NOS1AP: variants seen among roughly 807,000 people sequenced by gnomAD.
NOS1AP encodes nitric oxide synthase 1 adaptor protein, also known as carboxyl-terminal PDZ ligand of neuronal nitric oxide synthase protein.
Under a neutral mutation model 56.2 loss-of-function variants are expected in NOS1AP, and 21 were observed. That is an observed-to-expected ratio of 0.37 (90% CI 0.26 to 0.54). The LOEUF (loss-of-function observed/expected upper bound fraction) is 0.54, where lower values mean the gene tolerates loss of function less well. Among genes scored for constraint, NOS1AP ranks in the 20% least tolerant of loss-of-function variants. NOS1AP has a pLI of 0.84. For missense variants in NOS1AP, 522 were observed against 657.8 expected (o/e 0.79, Z 2.26); for synonymous variants, 270 against 274.6 (o/e 0.98, Z 0.17).
chr1:162,138,616 G>C (rs1338759876), intron 1 of NOS1AP, among the ~76,000 whole-genome samples: 1 of 152,164 alleles, frequency 6.6e-6, no homozygotes, highest in Non-Finnish European at 1.5e-5. Flanking sequence ...CTGGGCTCCT[G>C]TCTGCCTGGG....
chr1:162,202,542 A>AT (rs1162997437), intron 2 of NOS1AP, among the ~76,000 whole-genome samples: 4 of 151,946 alleles, frequency 2.6e-5, no homozygotes, highest in Admixed American at 2.0e-4. Flanking sequence ...ATATAGTGTG[A>AT]TTTTGTCTAA....
At position 162,211,091 on chromosome 1, in the gene NOS1AP, A is replaced by G. The variant is rs74125980; in HGVS notation, c.177+56615A>G. Among the ~76,000 whole-genome samples the G allele has an allele frequency of 5.3e-3, 803 of 152,346 alleles. 4 individuals carry two copies. Among genetic ancestry groups the G allele is most frequent in the African/African-American group, 0.018 (765 of 41,574 alleles). ...TCTTCACATGGGGACAATGAATGTG[A>G]GACAGGCTCATCTTGGGAATGAGGG... On this transcript the variant is annotated intron_variant, in intron 2 of 9. Coordinates refer to ENST00000361897, the MANE Select transcript of NOS1AP (RefSeq NM_014697.3).
chr1:162,155,269 C>T (rs28472684), intron 2 of NOS1AP, among the ~76,000 whole-genome samples: 1 of 141,756 alleles, frequency 7.1e-6, no homozygotes, highest in African/African-American at 2.6e-5. Flanking sequence ...TATATATACA[C>T]ATACATATAC....
chr1:162,283,880 C>T (rs1655011865), intron 2 of NOS1AP, among the ~76,000 whole-genome samples: 1 of 152,182 alleles, frequency 6.6e-6, no homozygotes, highest in African/African-American at 2.4e-5. Flanking sequence ...AGGGCCAGGC[C>T]CGTTGGCACA....
intron 1 of NOS1AP, among the ~76,000 whole-genome samples, chr1:162,119,740 G>A (rs75158412): frequency 0.022 from 3,297 of 152,218 alleles, 133 homozygotes; most frequent in African/African-American, 0.076. Flanking sequence ...CAGCCAGGGC[G>A]AGGGAATCTC....
At chr1:162,297,227 C>A (rs191188902) in intron 3 of NOS1AP, among the ~76,000 whole-genome samples, 29 of 152,314 alleles carry the variant, frequency 1.9e-4, no homozygotes, top group African/African-American at 6.7e-4. Context: ...TGTATTGGGT[C>A]ATTGGCTCCT....
At chr1:162,344,846 A>AAAT (rs1210113319) in intron 6 of NOS1AP, among the ~76,000 whole-genome samples, 1 of 152,238 alleles carries the variant, frequency 6.6e-6, no homozygotes, top group Admixed American at 6.5e-5. Context: ...GAACTATTAG[A>AAAT]AATAATAAGA....
intron 6 of NOS1AP, 87 bp from the exon 7 acceptor site, chr1:162,355,100 C>A: frequency 6.7e-7 from 1 of 1,499,898 alleles, no homozygotes; most frequent in Non-Finnish European, 9.2e-7. Flanking sequence ...CTAGGCTCAA[C>A]ATGCCTGAAA....
chr1:162,183,359 T>A (rs1419901097), intron 2 of NOS1AP, among the ~76,000 whole-genome samples: 3 of 152,246 alleles, frequency 2.0e-5, no homozygotes, highest in African/African-American at 7.2e-5. Flanking sequence ...CAGACTTGAT[T>A]TACCACAATT....
At chr1:162,365,665 T>G in intron 9 of NOS1AP, 96 bp downstream of exon 9, 4 of 1,452,056 alleles carry the variant, frequency 2.8e-6, no homozygotes, top group Non-Finnish European at 3.8e-6. Context: ...CTTGGACCCC[T>G]GACCTACCCC....
intron 1 of NOS1AP, among the ~76,000 whole-genome samples, chr1:162,095,331 G>C (rs1692216043): frequency 6.6e-6 from 1 of 152,178 alleles, no homozygotes; most frequent in Non-Finnish European, 1.5e-5. Flanking sequence ...TTGCTGCCCT[G>C]TGAGGATATA....
At chr1:162,223,610 T>C (rs573493836) in intron 2 of NOS1AP, among the ~76,000 whole-genome samples, 8 of 152,328 alleles carry the variant, frequency 5.3e-5, no homozygotes, top group African/African-American at 1.9e-4. Flanking sequence ...TTAAGACATT[T>C]GTGAGAAAAA....
Position 162,236,824 on chromosome 1 carries a change from T to C in NOS1AP, c.178-50520T>C, listed in dbSNP as rs1653308150. On this transcript the variant is annotated intron_variant, in intron 2 of 9. Transcript: ENST00000361897. ...GTCTGGCTGGTTTCAGGCTTCCTGG[T>C]CTGCATGCAGGCTGTACTTCCTCAC... is the stretch of plus-strand genomic sequence containing the variant. Among the ~76,000 whole-genome samples, 3 of 152,232 alleles carry C rather than the reference T, an allele frequency of 2.0e-5. No individual in the cohort carries two copies. The South Asian group carries it at 6.2e-4, about 32-fold the overall frequency.
intron 2 of NOS1AP, among the ~76,000 whole-genome samples, chr1:162,179,336 A>G (rs902096923): frequency 2.0e-5 from 3 of 152,158 alleles, no homozygotes; most frequent in Non-Finnish European, 2.9e-5. Flanking sequence ...CCTGAGTTAC[A>G]CAGCTAGGAA....
rs1317507251 is a variant in NOS1AP at position 162,264,419 on chromosome 1, TCTTCC to T, written c.178-22920_178-22916del. On this transcript the variant is annotated intron_variant, in intron 2 of 9. Transcript: ENST00000361897. The stretch of plus-strand genomic sequence containing the variant: ...TGCCCTCTCCTCTTCTCTTCCCTTC[TCTTCC>T]CTTCTCTTCTCTTCTCTTCTCTTCT... Among the ~76,000 whole-genome samples the T allele has an allele frequency of 7.5e-3, 22 of 2,934 alleles. 8 individuals carry two copies. The highest frequency in any genetic ancestry group is 0.013 in the Non-Finnish European group (7 of 522). 1.9% of individuals were successfully genotyped at this position (2,934 alleles called of 152,430 possible).
chr1:162,311,596 T>G (rs1163650938), intron 4 of NOS1AP, among the ~76,000 whole-genome samples: 1 of 151,858 alleles, frequency 6.6e-6, no homozygotes, highest in Admixed American at 6.6e-5. Context: ...TTTTTTTTAA[T>G]TATACTTTAA....
intron 1 of NOS1AP, among the ~76,000 whole-genome samples, chr1:162,100,186 C>T (rs1187346236): frequency 1.8e-4 from 27 of 152,006 alleles, no homozygotes; most frequent in Admixed American, 6.5e-5. Flanking sequence ...TTTCTAGTTC[C>T]AGATCCCTGA....
intron 2 of NOS1AP, among the ~76,000 whole-genome samples, chr1:162,189,593 C>G (rs1014189575): frequency 6.6e-6 from 1 of 152,046 alleles, no homozygotes; most frequent in Admixed American, 6.6e-5. Context: ...ATAAGATAGG[C>G]GAGATCTCTC....
intron 1 of NOS1AP, among the ~76,000 whole-genome samples, chr1:162,126,024 AT>A (rs2102057719): frequency 6.6e-6 from 1 of 151,936 alleles, no homozygotes; most frequent in East Asian, 1.9e-4. Context: ...TATTTATTTT[AT>A]TTTATTTTTG....
Sources: allele counts gnomAD v4.1 joint callset (sites outside exome capture counted in the v4.1 genomes callset), GRCh38; gene constraint gnomAD v4.1.1; transcripts MANE v1.5; gene names NCBI Gene and HGNC (gene_info 2026-07-23, HGNC 2026-07-21).